Variants in RNF217 observed in about 807,000 individuals in gnomAD.
The protein encoded by RNF217 is E3 ubiquitin-protein ligase RNF217.
RNF217 carries 31 observed loss-of-function variants against 57.8 expected under a neutral mutation model. That is an observed-to-expected ratio of 0.54 (90% CI 0.40 to 0.72). RNF217 has a LOEUF of 0.72. Ranked by LOEUF, RNF217 falls within the 30% of genes least tolerant of loss-of-function variation. The probability of loss-of-function intolerance (pLI) is 0.00; values close to 1 mark genes in which losing one functional copy is unlikely to be tolerated. For synonymous variants in RNF217, 313 were observed against 294.0 expected (o/e 1.06, Z -0.66); for missense variants, 696 against 708.3 (o/e 0.98, Z 0.20).
At chr6:125,058,138 C>T in intron 3 of RNF217, 32 bp downstream of exon 3, 4 of 1,583,514 alleles carry the variant, frequency 2.5e-6, no homozygotes, top group Non-Finnish European at 2.6e-6. Context: ...AAAGAAAAAA[C>T]ATGTACATCT....
intron 1 of RNF217, among the ~76,000 whole-genome samples, chr6:125,021,511 C>T (rs768884246): frequency 6.6e-6 from 1 of 152,044 alleles, no homozygotes; most frequent in African/African-American, 2.4e-5. Context: ...GTGATCTACC[C>T]ACCTCGGCCT....
intron 1 of RNF217, chr6:125,009,121 A>G (rs1785318913): frequency 9.6e-7 from 1 of 1,042,024 alleles, no homozygotes; most frequent in Non-Finnish European, 1.4e-6. Flanking sequence ...ATGTATGTAT[A>G]AAGGGATTTG....
intron 1 of RNF217, among the ~76,000 whole-genome samples, chr6:125,018,289 A>T (rs1244168350): frequency 6.6e-6 from 1 of 152,164 alleles, no homozygotes; most frequent in African/African-American, 2.4e-5. Flanking sequence ...TTATTTTTAT[A>T]AGATCAGGTG....
At chr6:125,072,584 A>G (rs560579964) in intron 3 of RNF217, among the ~76,000 whole-genome samples, 2 of 152,352 alleles carry the variant, frequency 1.3e-5, no homozygotes, top group African/African-American at 4.8e-5. Flanking sequence ...TTTAGAACCC[A>G]ATGAAGCAAT....
chr6:125,020,182 T>C (rs762113903), intron 1 of RNF217, among the ~76,000 whole-genome samples: 1 of 152,228 alleles, frequency 6.6e-6, no homozygotes, highest in Non-Finnish European at 1.5e-5. Flanking sequence ...TGGGCTCAGA[T>C]GTCTGCCAAG....
chr6:124,995,888 C>T (rs910230456), intron 1 of RNF217, among the ~76,000 whole-genome samples: 2 of 152,066 alleles, frequency 1.3e-5, no homozygotes, highest in African/African-American at 4.8e-5. Context: ...TGTCATTGCA[C>T]TCCAGCCTGG....
At chr6:124,989,902 A>AC (rs1234822714) in intron 1 of RNF217, among the ~76,000 whole-genome samples, 2 of 150,258 alleles carry the variant, frequency 1.3e-5, no homozygotes, top group African/African-American at 4.9e-5. Context: ...AGACAACAAA[A>AC]CCCCCCTTGT....
rs542874115 is a variant in RNF217, at chr6:125,004,186, A to G, written c.882+40760A>G. 8.5e-5 allele frequency among the ~76,000 whole-genome samples: 13 copies of G among 152,310 alleles called. No individual in the cohort carries two copies. In the South Asian group the frequency reaches 2.3e-3, roughly 27 times the overall value. ...TATATTAAAGAAAACAGGGCTTGCC[A>G]GTTATATTTCCCCTTTTGTTGTAGG... On this transcript the variant is annotated intron_variant, in intron 1 of 5. Coordinates refer to ENST00000521654, the MANE Select transcript of RNF217 (RefSeq NM_001286398.3).
chr6:124,987,720 C>T (rs375377662), intron 1 of RNF217, among the ~76,000 whole-genome samples: 4 of 152,188 alleles, frequency 2.6e-5, no homozygotes, highest in African/African-American at 9.6e-5. Context: ...AAGTGATCCT[C>T]CTGCCTCAAC....
chr6:125,076,473 G>A (rs2114642302), intron 3 of RNF217, among the ~76,000 whole-genome samples, 184 bp from the exon 4 acceptor site: 1 of 152,280 alleles, frequency 6.6e-6, no homozygotes, highest in South Asian at 2.1e-4. Context: ...TTGCACACAT[G>A]AAAGTATTTG....
intron 1 of RNF217, among the ~76,000 whole-genome samples, chr6:124,964,241 C>T (rs1353219121): frequency 1.3e-5 from 2 of 152,174 alleles, no homozygotes; most frequent in African/African-American, 4.8e-5. Flanking sequence ...CCTGGATGCC[C>T]TTTGATCCTG....
At chr6:124,986,343 A>G (rs989570547) in intron 1 of RNF217, among the ~76,000 whole-genome samples, 3 of 152,200 alleles carry the variant, frequency 2.0e-5, no homozygotes, top group Non-Finnish European at 2.9e-5. Flanking sequence ...TGTGGTTAGA[A>G]GAAAGGGAGG....
At chr6:125,077,394 G>C (rs546405966) in intron 4 of RNF217, among the ~76,000 whole-genome samples, 10 of 152,210 alleles carry the variant, frequency 6.6e-5, no homozygotes, top group African/African-American at 2.2e-4. Context: ...AATATAATAA[G>C]TATCAAATGC....
intron 2 of RNF217, chr6:125,048,180 A>G: frequency 7.4e-7 from 1 of 1,344,012 alleles, no homozygotes; most frequent in Non-Finnish European, 9.9e-7. Context: ...TGGATACCCC[A>G]GCCAACCAAT....
chr6:125,052,823 T>C (rs1179763014), intron 2 of RNF217, among the ~76,000 whole-genome samples: 1 of 152,142 alleles, frequency 6.6e-6, no homozygotes, highest in African/African-American at 2.4e-5. Context: ...TTGGTTAGTT[T>C]CTTTAGGACA....
intron 1 of RNF217, among the ~76,000 whole-genome samples, chr6:124,979,462 G>A (rs747197172): frequency 7.9e-5 from 12 of 152,136 alleles, no homozygotes; most frequent in East Asian, 3.9e-4. Context: ...AGATGAGAGC[G>A]GAATGGTGAC....
At chr6:125,021,512 A>T (rs4895620) in intron 1 of RNF217, among the ~76,000 whole-genome samples, 31,020 of 152,008 alleles carry the variant, frequency 0.2, 3,904 homozygotes, top group East Asian at 0.54. Context: ...TGATCTACCC[A>T]CCTCGGCCTC....
intron 1 of RNF217, among the ~76,000 whole-genome samples, chr6:124,968,035 C>T (rs1343792838): frequency 1.3e-5 from 2 of 152,214 alleles, no homozygotes; most frequent in Non-Finnish European, 2.9e-5. Context: ...CCGCCTCGCA[C>T]TCCCAAAGTG....
intron 3 of RNF217, among the ~76,000 whole-genome samples, chr6:125,058,697 A>G (rs1562489612): frequency 6.6e-6 from 1 of 152,170 alleles, no homozygotes. Context: ...TTGAGCTCAG[A>G]CCTAGATGTG....
Sources: allele counts gnomAD v4.1 joint callset (sites outside exome capture counted in the v4.1 genomes callset), GRCh38; gene constraint gnomAD v4.1.1; transcripts MANE v1.5; gene names NCBI Gene and HGNC (gene_info 2026-07-23, HGNC 2026-07-21).